The following CLIC6 variants were observed in gnomAD, a reference collection of about 807,000 sequenced individuals.
CLIC6 encodes the protein CLIC family member 6, also known as chloride intracellular channel protein 6.
CLIC6 carries 39 observed loss-of-function variants against 49.2 expected under a neutral mutation model. The observed-to-expected ratio is 0.79, with a 90% CI of 0.61 to 1.04. The LOEUF is 1.04. CLIC6 is among the 50% of genes least tolerant of loss of function. The probability of loss-of-function intolerance (pLI) is 0.00; values close to 1 mark genes in which losing one functional copy is unlikely to be tolerated. For synonymous variants in CLIC6, 446 were observed against 433.4 expected (o/e 1.03, Z -0.36); for missense variants, 988 against 993.1 (o/e 0.99, Z 0.07).
chr21:34,710,886 C>T (rs979906336), intron 5 of CLIC6, among the ~76,000 whole-genome samples: 1 of 152,186 alleles, frequency 6.6e-6, no homozygotes, highest in Non-Finnish European at 1.5e-5. Context: ...CCACTGCCTG[C>T]GCTAGTAAAT....
At chr21:34,711,387 C>G (rs1034060190) in intron 5 of CLIC6, among the ~76,000 whole-genome samples, 1 of 152,028 alleles carries the variant, frequency 6.6e-6, no homozygotes, top group African/African-American at 2.4e-5. Flanking sequence ...AAAAAATTAG[C>G]TAGGTGTGGT....
rs377537629 is a variant in CLIC6 at position 34,699,597 on chromosome 21, G to A, written c.1375-7683G>A. 2.2e-4 allele frequency among the ~76,000 whole-genome samples: 33 copies of A among 152,044 alleles called. No homozygotes were observed. The South Asian group carries it at 6.0e-3, about 28-fold the overall frequency. On this transcript the variant is annotated intron_variant, in intron 1 of 5. Transcript: ENST00000349499. ...TGTTTTTAAAGTCACCTTAGAAATT[G>A]TTGCTTTTTGGAGGATATTCTCCTT...
intron 5 of CLIC6, among the ~76,000 whole-genome samples, chr21:34,712,892 G>A (rs112485783): frequency 4.9e-5 from 7 of 144,128 alleles, no homozygotes; most frequent in African/African-American, 2.0e-4. Context: ...AACCCTAACC[G>A]TAACTCTAAC....
chr21:34,670,165 C>A lies in CLIC6; in HGVS notation c.777C>A (p.Gly259=), dbSNP rs1989519847. The A allele has an allele frequency of 2.3e-6, 2 of 874,168 alleles. No individual in the cohort carries two copies. Among genetic ancestry groups the A allele is most frequent in the Non-Finnish European group, 3.0e-6 (2 of 661,718 alleles). The allele number at this position is 874,168 out of a possible 1,614,324, so 54.2% of individuals were successfully genotyped here. A position where few individuals can be genotyped will look rare whatever the true frequency, so the allele number is the denominator to read the frequency against. Residue 259 remains glycine, a synonymous_variant, in exon 1 of 6, where the codon GGC becomes GGA. Coordinates refer to ENST00000349499, the MANE Select transcript of CLIC6 (RefSeq NM_053277.3). ...SVEAGDPAGD[G]VEAGVPAGDS... ...AGGCGGGGGACCCGGCGGGGGACGG[C>A]GTAGAAGCGGGGGTCCCGGCGGGGG...
intron 1 of CLIC6, among the ~76,000 whole-genome samples, chr21:34,695,458 A>G (rs115806328): frequency 4.2e-4 from 64 of 152,356 alleles, no homozygotes; most frequent in African/African-American, 1.5e-3. Context: ...GAACTAGTAC[A>G]TGGACATCTT....
intron 5 of CLIC6, among the ~76,000 whole-genome samples, chr21:34,711,548 T>C (rs201463007): frequency 3.8e-5 from 2 of 52,646 alleles, no homozygotes; most frequent in African/African-American, 1.3e-4. Flanking sequence ...AATAAATAAA[T>C]AAATAAATAA....
intron 1 of CLIC6, among the ~76,000 whole-genome samples, chr21:34,683,173 A>G (rs2145802485): frequency 6.6e-6 from 1 of 152,230 alleles, no homozygotes. Context: ...TTTAGAATGA[A>G]ACTCCATGTG....
intron 1 of CLIC6, among the ~76,000 whole-genome samples, chr21:34,683,887 C>G (rs1469796452): frequency 6.6e-6 from 1 of 152,132 alleles, no homozygotes; most frequent in East Asian, 1.9e-4. Flanking sequence ...TGGACTAATA[C>G]AGAGGGAGAA....
chr21:34,705,052 C>T lies in CLIC6; in HGVS notation c.1375-2228C>T, dbSNP rs185995349. Among the ~76,000 whole-genome samples the T allele has an allele frequency of 1.6e-3, 240 of 152,178 alleles. 2 individuals are homozygous for T. Among genetic ancestry groups the T allele is most frequent in the African/African-American group, 5.3e-3 (222 of 41,510 alleles). ...AAGAGGGTTCCAAAAGTTAGAGAGACGGGAGAAAAAACGAACACAGTTGCC... is the reference window on the plus strand; with the variant it reads ...AAGAGGGTTCCAAAAGTTAGAGAGATGGGAGAAAAAACGAACACAGTTGCC... On this transcript the variant is annotated intron_variant, in intron 1 of 5. Transcript: ENST00000349499.
chr21:34,681,984 C>T (rs1350601429), intron 1 of CLIC6, among the ~76,000 whole-genome samples: 1 of 152,208 alleles, frequency 6.6e-6, no homozygotes, highest in Non-Finnish European at 1.5e-5. Flanking sequence ...GGAAATCACT[C>T]CTTATCAGTG....
chr21:34,694,597 T>C lies in CLIC6; in HGVS notation c.1375-12683T>C, dbSNP rs186586291. Reference sequence around the variant, plus strand: ...TTCCTCCTTCTCCAGCCATGTAGGATGTGCCTGCTTCCCCTTCACCTTCTG... The same window carrying C: ...TTCCTCCTTCTCCAGCCATGTAGGACGTGCCTGCTTCCCCTTCACCTTCTG... On this transcript the variant is annotated intron_variant, in intron 1 of 5. Transcript: ENST00000349499. Among the ~76,000 whole-genome samples the C allele has an allele frequency of 3.1e-3, 467 of 152,312 alleles. 3 individuals are homozygous for C. Among genetic ancestry groups the C allele is most frequent in the African/African-American group, 0.011 (447 of 41,570 alleles).
At position 34,670,465 on chromosome 21, in the gene CLIC6, A is replaced by G; in HGVS notation, c.1077A>G (p.Val359=). Residue 359 remains valine (V), a synonymous_variant, in exon 1 of 6, where the codon GTA becomes GTG. Coordinates refer to ENST00000349499, the MANE Select transcript of CLIC6 (RefSeq NM_053277.3). ...DARADAGEDR[V]GDGPQQEPGE... ...GGGCAGACGCTGGCGAGGACAGGGT[A>G]GGGGATGGGCCACAGCAGGAGCCGG... is the stretch of plus-strand genomic sequence containing the variant. 1 of 1,489,182 alleles carries G rather than the reference A, an allele frequency of 6.7e-7. No individual in the cohort carries two copies. Among genetic ancestry groups the G allele is most frequent in the Non-Finnish European group, 8.9e-7 (1 of 1,119,196 alleles). The allele number at this position is 1,489,182 out of a possible 1,614,324, so 92.2% of individuals were successfully genotyped here.
At position 34,716,862 on chromosome 21, in the gene CLIC6, T is replaced by TCTCTCTCTCTCACACACACA; in HGVS notation, c.*381_*382insTCTCTCTCTCACACACACAC. On this transcript the variant is annotated 3_prime_UTR_variant, in exon 6 of 6. Coordinates refer to ENST00000349499, the MANE Select transcript of CLIC6 (RefSeq NM_053277.3). ...CTCTCTCTCTCTCTCTCTCTCTCTA[T>TCTCTCTCTCTCACACACACA]CACACACACACACACACACACACAC... is the stretch of plus-strand genomic sequence containing the variant. 4.6e-5 allele frequency: 6 copies of TCTCTCTCTCTCACACACACA among 131,632 alleles called. No homozygotes were observed. The highest frequency in any genetic ancestry group is 1.9e-4 in the African/African-American group (6 of 31,212). The allele number at this position is 131,632 out of a possible 1,614,324, so 8.2% of individuals were successfully genotyped here.
chr21:34,671,140 A>AAG (rs1555876751), intron 1 of CLIC6, among the ~76,000 whole-genome samples: 1,363 of 86,814 alleles, frequency 0.016, 25 homozygotes, highest in African/African-American at 0.056. Context: ...AAAAAAAAAA[A>AAG]AAGAAGAAGA....
At chr21:34,696,836 A>G (rs777261633) in intron 1 of CLIC6, among the ~76,000 whole-genome samples, 1 of 152,220 alleles carries the variant, frequency 6.6e-6, no homozygotes, top group Non-Finnish European at 1.5e-5. Flanking sequence ...ATTTTGAGAA[A>G]TGCATGTAAT....
At position 34,718,021 on chromosome 21, in the gene CLIC6, T is replaced by C. The variant is rs1342967516; in HGVS notation, c.*1539T>C. ...GTTTTTGGAGATTGGGTCTAGCACA[T>C]GTCACCCTTGTCCACGTTGTTTCAC... On this transcript the variant is annotated 3_prime_UTR_variant, in exon 6 of 6. Transcript: ENST00000349499. 36 of 152,630 alleles carry C rather than the reference T, an allele frequency of 2.4e-4. No homozygotes were observed. 9.5% of individuals were successfully genotyped at this position (152,630 alleles called of 1,614,324 possible). A position where few individuals can be genotyped will look rare whatever the true frequency, so the allele number is the denominator to read the frequency against.
intron 1 of CLIC6, among the ~76,000 whole-genome samples, chr21:34,673,666 C>T (rs1266627846): frequency 2.0e-5 from 3 of 152,122 alleles, no homozygotes; most frequent in Non-Finnish European, 2.9e-5. Context: ...TTCTTCTTAT[C>T]CTACCAATTA....
chr21:34,713,165 A>G (rs1303822462), intron 5 of CLIC6, among the ~76,000 whole-genome samples: 1 of 152,214 alleles, frequency 6.6e-6, no homozygotes, highest in East Asian at 1.9e-4. Context: ...GAGGAATGAT[A>G]AAGACAAGAA....
rs1262264787 is a variant in CLIC6, at chr21:34,708,814, C to T, written c.1717+8C>T. 6.4e-7 allele frequency: 1 copy of T among 1,574,314 alleles called. No homozygotes were observed. Among genetic ancestry groups the T allele is most frequent in the South Asian group, 1.1e-5 (1 of 90,150 alleles). ...AGAAGGATGCAAATGAGAGTGAGTA[C>T]CTCCCATCCTCCTGTTTTGTTTCAA... On this transcript the variant is annotated splice_region_variant and intron_variant, in intron 4 of 5. Coordinates refer to ENST00000349499, the MANE Select transcript of CLIC6 (RefSeq NM_053277.3).
Sources: gnomAD v4.1 joint callset for allele counts (sites outside exome capture counted in the v4.1 genomes callset) on GRCh38, gnomAD v4.1.1 for gene constraint, MANE v1.5 for transcripts, NCBI Gene and HGNC (gene_info 2026-07-23, HGNC 2026-07-21) for gene names.